Variants in BMPER observed in about 807,000 individuals in gnomAD.
BMPER encodes the protein BMP binding endothelial regulator.
In BMPER, 45 loss-of-function variants were observed where a neutral mutation model predicts 87.3. That is an observed-to-expected ratio of 0.52 (90% CI 0.41 to 0.66). BMPER has a LOEUF of 0.66. BMPER is among the 30% of genes least tolerant of loss of function. BMPER has a pLI of 0.00. For missense variants in BMPER, 784 were observed against 867.5 expected, an observed-to-expected ratio of 0.90 and a Z score of 1.21; for synonymous variants, 326 against 316.2, an observed-to-expected ratio of 1.03 and a Z score of -0.33.
chr7:34,137,010 C>T (rs552217224), intron 13 of BMPER, among the ~76,000 whole-genome samples: 13 of 152,272 alleles, frequency 8.5e-5, no homozygotes, highest in Middle Eastern at 3.4e-3. Context: ...GGAAACCACT[C>T]GGATATGCTG....
chr7:34,153,020 A>G, intron 14 of BMPER, 72 bp from the exon 15 acceptor site: 3 of 1,561,996 alleles, frequency 1.9e-6, no homozygotes, highest in Non-Finnish European at 2.6e-6. Context: ...GCCTGCAAGA[A>G]CGGCATCTGG....
intron 6 of BMPER, among the ~76,000 whole-genome samples, chr7:33,995,114 T>C (rs1347798359): frequency 1.3e-5 from 2 of 152,218 alleles, no homozygotes; most frequent in African/African-American, 4.8e-5. Flanking sequence ...CATTTTTAAA[T>C]AGTGAATATT....
intron 2 of BMPER, among the ~76,000 whole-genome samples, chr7:33,926,080 C>T (rs1168665347): frequency 6.6e-6 from 1 of 152,194 alleles, no homozygotes; most frequent in Admixed American, 6.5e-5. Context: ...GCTTTAGTCT[C>T]TCTCCCTCTT....
At chr7:34,056,919 A>G (rs1439627419) in intron 9 of BMPER, among the ~76,000 whole-genome samples, 2 of 152,132 alleles carry the variant, frequency 1.3e-5, no homozygotes, top group East Asian at 3.9e-4. Flanking sequence ...CCCGGCTGCA[A>G]TACACTTGTA....
intron 3 of BMPER, among the ~76,000 whole-genome samples, chr7:33,945,503 C>T (rs1013749493): frequency 4.0e-4 from 60 of 151,268 alleles, no homozygotes; most frequent in Admixed American, 3.4e-3. Context: ...CCACCCGCCT[C>T]GGCCTCCCAG....
chr7:33,999,515 A>G (rs1014857541), intron 6 of BMPER, among the ~76,000 whole-genome samples: 4 of 152,254 alleles, frequency 2.6e-5, no homozygotes, highest in African/African-American at 9.6e-5. Flanking sequence ...GTATTGTTAT[A>G]GCATTTATAG....
chr7:34,072,224 A>C (rs964305661), intron 11 of BMPER, among the ~76,000 whole-genome samples: 4 of 152,214 alleles, frequency 2.6e-5, no homozygotes, highest in Non-Finnish European at 5.9e-5. Context: ...TACTTGGCAT[A>C]CACTAGTTAT....
chr7:33,961,426 G>A (rs372745232), intron 3 of BMPER, among the ~76,000 whole-genome samples: 25 of 152,306 alleles, frequency 1.6e-4, no homozygotes, highest in East Asian at 9.7e-4. Context: ...AATGACATGA[G>A]CAGGCCAGAA....
At position 34,153,181 on chromosome 7, in the gene BMPER, A is replaced by G. The variant is rs373176712; in HGVS notation, c.1966A>G (p.Asn656Asp). 7 of 1,613,872 alleles carry G rather than the reference A, an allele frequency of 4.3e-6. No individual in the cohort carries two copies. The highest frequency in any genetic ancestry group is 5.1e-6 in the Non-Finnish European group (6 of 1,179,920). Reference protein sequence around the residue: ...CDNWNEIGPCNKPCVAGCHCP... With the variant: ...CDNWNEIGPCDKPCVAGCHCP... Reference sequence around the variant, plus strand: ...CAACTGGAATGAAATTGGTCCATGCAACAAGCCGTGCGTTGCTGGGTGCCA... The same window carrying G: ...CAACTGGAATGAAATTGGTCCATGCGACAAGCCGTGCGTTGCTGGGTGCCA... Residue 656 changes from asparagine to aspartate, a missense_variant, in exon 15 of 15, where the codon AAC becomes GAC. By Grantham distance (23) the Asn-to-Asp change is conservative (BLOSUM62 1). Transcript: ENST00000649409.
chr7:34,074,442 A>G (rs566897896), intron 11 of BMPER, among the ~76,000 whole-genome samples: 17 of 152,322 alleles, frequency 1.1e-4, no homozygotes, highest in African/African-American at 4.1e-4. Context: ...TTTCTATCAG[A>G]GGCCTCCATC....
intron 13 of BMPER, among the ~76,000 whole-genome samples, chr7:34,107,310 A>G (rs1789843986): frequency 6.6e-6 from 1 of 152,196 alleles, no homozygotes; most frequent in South Asian, 2.1e-4. Flanking sequence ...GGGTGTGGCA[A>G]CTCAGCACAG....
chr7:34,055,451 T>G (rs995438167), intron 9 of BMPER, 148 bp downstream of exon 9: 1 of 993,626 alleles, frequency 1.0e-6, no homozygotes, highest in Non-Finnish European at 1.5e-6. Flanking sequence ...AATGTATTTA[T>G]ATTACAGTAT....
chr7:33,938,588 A>G (rs1784669034), intron 3 of BMPER, among the ~76,000 whole-genome samples: 1 of 152,156 alleles, frequency 6.6e-6, no homozygotes, highest in South Asian at 2.1e-4. Context: ...CCCTGCCGAC[A>G]CCTTGATCTT....
intron 5 of BMPER, among the ~76,000 whole-genome samples, chr7:33,972,031 T>C (rs1399955859): frequency 1.3e-5 from 2 of 152,010 alleles, no homozygotes; most frequent in Non-Finnish European, 2.9e-5. Flanking sequence ...GCCTCCCGAG[T>C]AGCTGGGACT....
intron 11 of BMPER, among the ~76,000 whole-genome samples, chr7:34,071,240 T>G (rs984604487): frequency 1.3e-5 from 2 of 152,222 alleles, no homozygotes; most frequent in African/African-American, 4.8e-5. Flanking sequence ...TAGATAACTA[T>G]TTGCTAGACT....
rs376472752 is a variant in BMPER at position 33,945,184 on chromosome 7, G to T, written c.319+7796G>T. On this transcript the variant is annotated intron_variant, in intron 3 of 14. Coordinates refer to ENST00000649409, the MANE Select transcript of BMPER (RefSeq NM_001365308.1). ...TCTCGATCTCCTGACCTCGTGATCC[G>T]CCCGCCTTGGCCTCCCAAAGTGCTG... 5.3e-4 allele frequency among the ~76,000 whole-genome samples: 80 copies of T among 150,342 alleles called. 1 individual carries two copies. Among genetic ancestry groups the T allele is most frequent in the Non-Finnish European group, 1.3e-4 (9 of 67,794 alleles).
intron 13 of BMPER, among the ~76,000 whole-genome samples, chr7:34,107,571 G>T (rs183111095): frequency 6.6e-6 from 1 of 152,008 alleles, no homozygotes; most frequent in Admixed American, 6.6e-5. Context: ...GTTTTTTTTC[G>T]GAAGTAAAAT....
chr7:33,932,243 G>A (rs1172164888), intron 2 of BMPER, among the ~76,000 whole-genome samples: 1 of 152,180 alleles, frequency 6.6e-6, no homozygotes, highest in Non-Finnish European at 1.5e-5. Flanking sequence ...AAATCTGTAA[G>A]CTCCTCCCCA....
chr7:34,028,618 T>G (rs969560210), intron 6 of BMPER, among the ~76,000 whole-genome samples: 5 of 136,160 alleles, frequency 3.7e-5, no homozygotes, highest in Non-Finnish European at 6.3e-5. Context: ...TTTTTTTTTT[T>G]TTTTTTTTTT....
Sources: gnomAD v4.1 joint callset for allele counts (sites outside exome capture counted in the v4.1 genomes callset) on GRCh38, gnomAD v4.1.1 for gene constraint, MANE v1.5 for transcripts, NCBI Gene and HGNC (gene_info 2026-07-23, HGNC 2026-07-21) for gene names.